Variants in CAMKMT observed in about 807,000 individuals in gnomAD.
CAMKMT encodes calmodulin-lysine N-methyltransferase, also known as CaM KMT.
A neutral mutation model predicts 48.0 loss-of-function variants in CAMKMT; 53 were observed. That is an observed-to-expected ratio of 1.10 (90% CI 0.89 to 1.39). CAMKMT has a LOEUF of 1.39. Among genes scored for constraint, CAMKMT ranks in the 40% most tolerant of loss-of-function variants. CAMKMT has a pLI of 0.00. For synonymous variants in CAMKMT, 165 were observed against 152.3 expected, an observed-to-expected ratio of 1.08 and a Z score of -0.61; for missense variants, 428 against 402.7, an observed-to-expected ratio of 1.06 and a Z score of -0.54.
chr2:44,606,808 A>ACCC (rs11421579), intron 3 of CAMKMT, among the ~76,000 whole-genome samples: 47 of 138,516 alleles, frequency 3.4e-4, no homozygotes, highest in African/African-American at 1.0e-3. Flanking sequence ...TCTTAATGTG[A>ACCC]CCCCCCCCCC....
chr2:44,749,112 C>T lies in CAMKMT; in HGVS notation c.699-4943C>T, dbSNP rs188413932. Among the ~76,000 whole-genome samples the T allele has an allele frequency of 1.7e-3, 259 of 152,248 alleles. 1 individual carries two copies. The highest frequency in any genetic ancestry group is 6.0e-3 in the African/African-American group (248 of 41,512). On this transcript the variant is annotated intron_variant, in intron 8 of 10. Transcript: ENST00000378494. ...GAATGGGATGAGGTTCCATTCTGGA[C>T]GTGGTTTCTAGCTCATCTGAGGATT...
intron 3 of CAMKMT, among the ~76,000 whole-genome samples, chr2:44,575,147 C>T (rs1179956248): frequency 6.6e-6 from 1 of 152,030 alleles, no homozygotes; most frequent in African/African-American, 2.4e-5. Flanking sequence ...GGCGCAATCT[C>T]GGCTCACTGC....
chr2:44,643,581 T>A (rs1673567983), intron 3 of CAMKMT, among the ~76,000 whole-genome samples: 2 of 152,142 alleles, frequency 1.3e-5, no homozygotes, highest in Admixed American at 6.5e-5. Context: ...ATTTTAATAG[T>A]AAAAGCCATA....
At chr2:44,380,673 T>C (rs1330678117) in intron 2 of CAMKMT, among the ~76,000 whole-genome samples, 3 of 152,242 alleles carry the variant, frequency 2.0e-5, no homozygotes, top group East Asian at 1.9e-4. Flanking sequence ...TAACTTCTTA[T>C]AGTTTTGAAA....
chr2:44,651,435 G>C (rs1031326424), intron 3 of CAMKMT, among the ~76,000 whole-genome samples: 3 of 152,154 alleles, frequency 2.0e-5, no homozygotes, highest in African/African-American at 7.2e-5. Flanking sequence ...TGTAATCCCA[G>C]CACTTTGCTA....
chr2:44,419,097 A>G (rs1683757974), intron 3 of CAMKMT, among the ~76,000 whole-genome samples: 1 of 152,232 alleles, frequency 6.6e-6, no homozygotes, highest in African/African-American at 2.4e-5. Flanking sequence ...AAATTATTAG[A>G]AAAAGCCCTT....
At chr2:44,584,679 T>C (rs1309970725) in intron 3 of CAMKMT, among the ~76,000 whole-genome samples, 2 of 152,122 alleles carry the variant, frequency 1.3e-5, no homozygotes, top group Non-Finnish European at 2.9e-5. Flanking sequence ...TATAAGGCAA[T>C]AGAAGATAAG....
chr2:44,739,108 A>T (rs1380008246), intron 7 of CAMKMT, among the ~76,000 whole-genome samples: 1 of 152,190 alleles, frequency 6.6e-6, no homozygotes, highest in African/African-American at 2.4e-5. Flanking sequence ...CATTGTAAAG[A>T]CTTTGGCTTT....
At chr2:44,733,134 T>A (rs1245596642) in intron 7 of CAMKMT, among the ~76,000 whole-genome samples, 1 of 152,182 alleles carries the variant, frequency 6.6e-6, no homozygotes, top group Non-Finnish European at 1.5e-5. Context: ...GTTCTGTTTT[T>A]AAAAAATGGA....
rs1227651894 is a variant in CAMKMT, at chr2:44,766,480, T to A, written c.813T>A (p.Phe271Leu). 1 of 1,614,200 alleles carries A rather than the reference T, an allele frequency of 6.2e-7. No individual in the cohort carries two copies. Among genetic ancestry groups the A allele is most frequent in the Non-Finnish European group, 8.5e-7 (1 of 1,180,036 alleles). The change falls in exon 10 of 11, where the codon TTT becomes TTA. Residue 271 changes from phenylalanine to leucine, a missense_variant. By Grantham distance (22) the Phe-to-Leu change is conservative. Transcript: ENST00000378494. Reference protein sequence around the residue: ...APRRGNTLNQFCNLAEKAGFC... With the variant: ...APRRGNTLNQLCNLAEKAGFC... ...GCCGAGGGAATACTTTAAACCAGTT[T>A]TGCAATCTAGCTGAAAAAGCTGGTT...
intron 3 of CAMKMT, among the ~76,000 whole-genome samples, chr2:44,534,867 C>A (rs1221816483): frequency 6.6e-6 from 1 of 151,598 alleles, no homozygotes; most frequent in Admixed American, 6.6e-5. Flanking sequence ...AGGAAAGAAA[C>A]AATAAAGATC....
chr2:44,429,114 G>A (rs914516907), intron 3 of CAMKMT, among the ~76,000 whole-genome samples: 2 of 152,138 alleles, frequency 1.3e-5, no homozygotes, highest in African/African-American at 4.8e-5. Flanking sequence ...AGCCCCACCA[G>A]TGAAATTGTT....
intron 3 of CAMKMT, among the ~76,000 whole-genome samples, chr2:44,470,992 CTCTT>C (rs971503819): frequency 2.7e-5 from 3 of 112,952 alleles, no homozygotes; most frequent in African/African-American, 9.3e-5. Flanking sequence ...CTCTCTCTCT[CTCTT>C]TTTTTTTTTT....
chr2:44,414,269 A>T (rs1199157599), intron 3 of CAMKMT, among the ~76,000 whole-genome samples: 1 of 152,186 alleles, frequency 6.6e-6, no homozygotes, highest in Non-Finnish European at 1.5e-5. Flanking sequence ...TAAAACAAAT[A>T]TTTATTATCT....
intron 3 of CAMKMT, among the ~76,000 whole-genome samples, chr2:44,464,516 A>G (rs1668010574): frequency 6.6e-6 from 1 of 152,204 alleles, no homozygotes; most frequent in Non-Finnish European, 1.5e-5. Context: ...GATGAATCAG[A>G]AGAGGTGCAC....
chr2:44,383,791 A>G (rs548828148), intron 2 of CAMKMT, among the ~76,000 whole-genome samples: 1 of 152,240 alleles, frequency 6.6e-6, no homozygotes, highest in East Asian at 1.9e-4. Context: ...CATCCAGGTC[A>G]CTGCAAATGC....
At chr2:44,499,705 T>A (rs779672655) in intron 3 of CAMKMT, among the ~76,000 whole-genome samples, 1 of 152,236 alleles carries the variant, frequency 6.6e-6, no homozygotes, top group East Asian at 1.9e-4. Flanking sequence ...GATCTTCCAG[T>A]TGAGTGAACA....
intron 3 of CAMKMT, among the ~76,000 whole-genome samples, chr2:44,699,299 A>G (rs913058097): frequency 7.9e-5 from 12 of 152,196 alleles, no homozygotes; most frequent in Non-Finnish European, 1.8e-4. Flanking sequence ...AAATAATAAG[A>G]TTTGAAAGTC....
In CAMKMT at chr2:44,372,674, T is replaced by A. The variant is rs376001186; in HGVS notation, c.139-42T>A. ...CATTTTGAACACTAAACTTACTATATGTTTAGATAACATGACTGCAATATT... is the reference window on the plus strand; with the variant it reads ...CATTTTGAACACTAAACTTACTATAAGTTTAGATAACATGACTGCAATATT... On this transcript the variant is annotated intron_variant, in intron 1 of 10. Coordinates refer to ENST00000378494, the MANE Select transcript of CAMKMT (RefSeq NM_024766.5). 22 of 1,563,530 alleles carry A rather than the reference T, an allele frequency of 1.4e-5. No homozygotes were observed. In the East Asian group the frequency reaches 3.1e-4, roughly 22 times the overall value.
Sources: gnomAD v4.1 joint callset for allele counts (sites outside exome capture counted in the v4.1 genomes callset) on GRCh38, gnomAD v4.1.1 for gene constraint, MANE v1.5 for transcripts, NCBI Gene and HGNC (gene_info 2026-07-23, HGNC 2026-07-21) for gene names.